CNGB3: variants seen among roughly 807,000 people sequenced by gnomAD.
CNGB3 encodes cyclic nucleotide gated channel subunit beta 3.
In CNGB3, 86 loss-of-function variants were observed where a neutral mutation model predicts 92.8. The observed-to-expected ratio is 0.93, with a 90% CI of 0.78 to 1.11. The LOEUF (loss-of-function observed/expected upper bound fraction) is 1.11, where lower values mean the gene tolerates loss of function less well. Ranked by LOEUF, CNGB3 falls within the 50% of genes least tolerant of loss-of-function variation. CNGB3 has a pLI of 0.00. For missense variants in CNGB3, 1,026 were observed against 956.8 expected, an observed-to-expected ratio of 1.07 and a Z score of -0.95; for synonymous variants, 333 against 332.7, an observed-to-expected ratio of 1.00 and a Z score of -0.01.
chr8:86,708,265 GGAGTCATTAATGAACGGTGAGGAA>G (rs1406690659), intron 3 of CNGB3, among the ~76,000 whole-genome samples: 1 of 152,106 alleles, frequency 6.6e-6, no homozygotes, highest in African/African-American at 2.4e-5. Context: ...GAGGTGAGGA[GGAGTCATTAATGAACGGTGAGGAA>G]GAGAGTGGCC....
rs938146841 is a variant in CNGB3 at position 86,588,822 on chromosome 8, G to A, written c.1782-9570C>T. Among the ~76,000 whole-genome samples the A allele has an allele frequency of 6.4e-4, 97 of 151,790 alleles. No homozygotes were observed. In the South Asian group the frequency reaches 8.1e-3, roughly 13 times the overall value. On this transcript the variant is annotated intron_variant, in intron 15 of 17. Coordinates refer to ENST00000320005, the MANE Select transcript of CNGB3 (RefSeq NM_019098.5). ...CTCTTTTTTGTTTGTGTCTCTGCCC[G>A]GCTTTGGTATCAGAATGATGCTGGC...
intron 4 of CNGB3, 137 bp downstream of exon 4, chr8:86,670,807 G>A: frequency 1.0e-6 from 1 of 958,244 alleles, no homozygotes; most frequent in East Asian, 2.4e-5. Flanking sequence ...GTACCTTCCT[G>A]GATTACTCTC....
chr8:86,589,682 C>G (rs1004476742), intron 15 of CNGB3, among the ~76,000 whole-genome samples: 2 of 152,148 alleles, frequency 1.3e-5, no homozygotes, highest in Non-Finnish European at 2.9e-5. Flanking sequence ...GTTCTAGTTT[C>G]ATTGAACTGT....
Position 86,575,787 on chromosome 8 carries a change from T to G in CNGB3, c.*17A>C, listed in dbSNP as rs201365222. ...CTTTGGGAACTAGCTATATCACATC[T>G]AAAGATAATCAAACATTTATTGCTT... On this transcript the variant is annotated 3_prime_UTR_variant, in exon 18 of 18. Transcript: ENST00000320005. 1 of 1,607,374 alleles carries G rather than the reference T, an allele frequency of 6.2e-7. No homozygotes were observed. The highest frequency in any genetic ancestry group is 1.3e-5 in the African/African-American group (1 of 74,906).
At chr8:86,737,003 C>T (rs1275106684) in intron 2 of CNGB3, among the ~76,000 whole-genome samples, 1 of 151,938 alleles carries the variant, frequency 6.6e-6, no homozygotes, top group Non-Finnish European at 1.5e-5. Flanking sequence ...AGAACACTTG[C>T]TTTTTTTTCC....
At position 86,592,203 on chromosome 8, in the gene CNGB3, G is replaced by A. The variant is rs151165316; in HGVS notation, c.1781+11890C>T. ...AATGCCTCGCCCTGCTTTGGCTCACGCACGGTGCGCGCACCCACTGACCTG... is the reference window on the plus strand; with the variant it reads ...AATGCCTCGCCCTGCTTTGGCTCACACACGGTGCGCGCACCCACTGACCTG... On this transcript the variant is annotated intron_variant, in intron 15 of 17. Coordinates refer to ENST00000320005, the MANE Select transcript of CNGB3 (RefSeq NM_019098.5). 5.7e-3 allele frequency among the ~76,000 whole-genome samples: 867 copies of A among 152,246 alleles called. 11 individuals carry two copies. The highest frequency in any genetic ancestry group is 0.02 in the African/African-American group (820 of 41,560).
chr8:86,659,927 C>A, intron 6 of CNGB3: 1 of 363,784 alleles, frequency 2.7e-6, no homozygotes. Flanking sequence ...GACAATTGAG[C>A]TGTTGAAGAG....
chr8:86,687,474 C>T (rs1207372736), intron 3 of CNGB3, among the ~76,000 whole-genome samples: 1 of 151,850 alleles, frequency 6.6e-6, no homozygotes, highest in African/African-American at 2.4e-5. Context: ...TATGAGATAA[C>T]GAGAACAGAC....
intron 3 of CNGB3, 23 bp from the exon 4 acceptor site, chr8:86,671,121 A>C (rs1455535379): frequency 6.2e-7 from 1 of 1,612,310 alleles, no homozygotes; most frequent in Admixed American, 1.7e-5. Context: ...AAAAATGGCA[A>C]TAGAGATGGG....
chr8:86,710,635 G>T (rs955132743), intron 3 of CNGB3, among the ~76,000 whole-genome samples: 1 of 152,102 alleles, frequency 6.6e-6, no homozygotes, highest in Non-Finnish European at 1.5e-5. Flanking sequence ...TACTACGAAT[G>T]AATTAAAGAG....
intron 3 of CNGB3, among the ~76,000 whole-genome samples, chr8:86,693,163 T>G (rs1329587428): frequency 6.6e-6 from 1 of 152,180 alleles, no homozygotes; most frequent in Non-Finnish European, 1.5e-5. Flanking sequence ...CTTAAGATGC[T>G]TTTCTTCATC....
Position 86,611,672 on chromosome 8 carries a change from CTATATA to C in CNGB3, c.1579-7_1579-2del. On this transcript the variant is annotated splice_acceptor_variant and splice_polypyrimidine_tract_variant and intron_variant, in intron 13 of 17. Coordinates refer to ENST00000320005, the MANE Select transcript of CNGB3 (RefSeq NM_019098.5). LOFTEE classifies it high-confidence loss of function. Reference sequence around the variant, plus strand: ...CATAAATCATCTGTGTATCACAACCCTATATAAAAAGAAAAATAATTCTTATAGAAA... The same window carrying C: ...CATAAATCATCTGTGTATCACAACCCAAAAGAAAAATAATTCTTATAGAAA... 6.2e-7 allele frequency: 1 copy of C among 1,603,876 alleles called. No homozygotes were observed. Among genetic ancestry groups the C allele is most frequent in the Non-Finnish European group, 8.5e-7 (1 of 1,171,270 alleles).
chr8:86,651,257 A>G (rs1236045291), intron 7 of CNGB3, among the ~76,000 whole-genome samples: 2 of 151,770 alleles, frequency 1.3e-5, no homozygotes, highest in African/African-American at 4.8e-5. Flanking sequence ...TTACCACTAT[A>G]TAATTCATCC....
At chr8:86,693,401 G>A (rs1295117787) in intron 3 of CNGB3, among the ~76,000 whole-genome samples, 2 of 146,428 alleles carry the variant, frequency 1.4e-5, no homozygotes, top group Non-Finnish European at 3.0e-5. Flanking sequence ...AAATTTATTG[G>A]AAACTTTGTT....
Position 86,661,513 on chromosome 8 carries a change from C to A in CNGB3, c.852+5412G>T, listed in dbSNP as rs965296978. Reference sequence around the variant, plus strand: ...GAAACTTGCACTGACCCAAACACCACATCACATTTAAATGGCCTTGACTTT... The same window carrying A: ...GAAACTTGCACTGACCCAAACACCAAATCACATTTAAATGGCCTTGACTTT... On this transcript the variant is annotated intron_variant, in intron 6 of 17. Transcript: ENST00000320005. The A allele has an allele frequency of 1.5e-5, 10 of 659,452 alleles. No individual in the cohort carries two copies. The African/African-American group carries it at 1.8e-4, about 12-fold the overall frequency. 40.9% of individuals were successfully genotyped at this position (659,452 alleles called of 1,614,324 possible).
intron 15 of CNGB3, chr8:86,593,859 C>T (rs979852863): frequency 3.0e-5 from 23 of 776,062 alleles, no homozygotes; most frequent in African/African-American, 1.9e-4. Flanking sequence ...TCCTGGACCC[C>T]GGGCAGCATA....
intron 9 of CNGB3, 114 bp from the exon 10 acceptor site, chr8:86,643,987 A>G: frequency 9.3e-7 from 1 of 1,077,976 alleles, no homozygotes; most frequent in Non-Finnish European, 1.4e-6. Context: ...GGATTTGTGA[A>G]CTGTTAACTC....
chr8:86,659,305 C>A, intron 6 of CNGB3: 1 of 1,112,194 alleles, frequency 9.0e-7, no homozygotes, highest in South Asian at 1.2e-5. Context: ...AGGTGTGCTT[C>A]CAGCTGTGCC....
chr8:86,700,210 G>A (rs1824527979), intron 3 of CNGB3, among the ~76,000 whole-genome samples: 1 of 152,080 alleles, frequency 6.6e-6, no homozygotes, highest in Admixed American at 6.6e-5. Context: ...TACATCTGAA[G>A]CTCTTTATGC....
Sources: allele counts gnomAD v4.1 joint callset (sites outside exome capture counted in the v4.1 genomes callset), GRCh38; gene constraint gnomAD v4.1.1; transcripts MANE v1.5; gene names NCBI Gene and HGNC (gene_info 2026-07-23, HGNC 2026-07-21).